Variants in MTM1 observed in about 807,000 individuals in gnomAD.
MTM1 encodes myotubularin 1.
In MTM1, 9 loss-of-function variants were observed where a neutral mutation model predicts 52.1. The observed-to-expected ratio is 0.17, with a 90% CI of 0.10 to 0.30. MTM1 has a LOEUF of 0.30. MTM1 is among the 10% of genes least tolerant of loss of function. MTM1 has a pLI of 1.00. For synonymous variants in MTM1, 136 were observed against 163.8 expected, an observed-to-expected ratio of 0.83 and a Z score of 1.29; for missense variants, 277 against 470.7, an observed-to-expected ratio of 0.59 and a Z score of 3.81.
At chrX:150,608,457 G>A (rs941133407) in intron 4 of MTM1, among the ~76,000 whole-genome samples, 3 of 111,907 alleles carry the variant, frequency 2.7e-5, no homozygotes, top group East Asian at 2.8e-4. Context: ...TGGCTCAAGC[G>A]ATCCGCCTGC....
intron 4 of MTM1, among the ~76,000 whole-genome samples, chrX:150,600,495 G>A (rs1557412721): frequency 8.9e-6 from 1 of 111,878 alleles, no homozygotes; most frequent in African/African-American, 3.3e-5. Flanking sequence ...CCCATCTGAA[G>A]TGTTGTATTC....
At chrX:150,650,256 G>C (rs898892191) in intron 10 of MTM1, among the ~76,000 whole-genome samples, 10 of 108,727 alleles carry the variant, frequency 9.2e-5, no homozygotes, top group African/African-American at 3.3e-4. Context: ...TGTTTTTTTT[G>C]TTGTTTTTTG....
At chrX:150,623,869 G>T (rs1236327051) in intron 6 of MTM1, among the ~76,000 whole-genome samples, 2 of 111,579 alleles carry the variant, frequency 1.8e-5, no homozygotes, top group Non-Finnish European at 3.8e-5. Context: ...AATATTATTG[G>T]AACTGTTCAG....
At chrX:150,576,263 T>C (rs782019498) in intron 1 of MTM1, among the ~76,000 whole-genome samples, 18 of 111,912 alleles carry the variant, frequency 1.6e-4, no homozygotes, top group Middle Eastern at 4.6e-3. Flanking sequence ...GAAGTTTGTA[T>C]AAGATTGGAG....
In MTM1 at chrX:150,612,818, T is replaced by C. The variant is rs376358767; in HGVS notation, c.232-1771T>C. On this transcript the variant is annotated intron_variant, in intron 4 of 14. Transcript: ENST00000370396. ...GGCCAACATGGCAAAACCCCGTCTC[T>C]ACTAAAAATACAAAAATTAGCCAGG... 6.3e-5 allele frequency among the ~76,000 whole-genome samples: 7 copies of C among 111,190 alleles called. No individual in the cohort carries two copies. The South Asian group carries it at 2.6e-3, about 42-fold the overall frequency.
intron 6 of MTM1, among the ~76,000 whole-genome samples, chrX:150,635,678 ATTCTC>A (rs1338147838): frequency 8.9e-6 from 1 of 111,920 alleles, no homozygotes; most frequent in Non-Finnish European, 1.9e-5. Context: ...GAGAGCCTAT[ATTCTC>A]TTAATCTTTA....
At chrX:150,578,285 C>T (rs1200774574) in intron 1 of MTM1, among the ~76,000 whole-genome samples, 1 of 111,881 alleles carries the variant, frequency 8.9e-6, no homozygotes, top group African/African-American at 3.3e-5. Context: ...GGCCTTCAAC[C>T]ATGCAGCCTA....
At chrX:150,588,889 CT>C (rs1278896239) in intron 1 of MTM1, among the ~76,000 whole-genome samples, 2 of 111,952 alleles carry the variant, frequency 1.8e-5, no homozygotes, top group African/African-American at 6.5e-5. Flanking sequence ...TTTGTATGAA[CT>C]TGTGGCTTAA....
chrX:150,618,972 G>T lies in MTM1; in HGVS notation c.343-66G>T, dbSNP rs182426381. The T allele has an allele frequency of 2.5e-3, 1,917 of 779,507 alleles. 5 individuals carry two copies. Among genetic ancestry groups the T allele is most frequent in the Middle Eastern group, 9.8e-3 (35 of 3,570 alleles). The allele number at this position is 779,507 out of a possible 1,213,427, so 64.2% of individuals were successfully genotyped here. ...AATCTTCTCCCTTAATTGAATGGAA[G>T]ATTTCTTGCTAATTAACATGACTTT... is the stretch of plus-strand genomic sequence containing the variant. On this transcript the variant is annotated intron_variant, in intron 5 of 14. Coordinates refer to ENST00000370396, the MANE Select transcript of MTM1 (RefSeq NM_000252.3).
In MTM1 at chrX:150,671,512, G is replaced by T. The variant is rs148195763; in HGVS notation, c.1729G>T (p.Ala577Ser). ...AAAGCGGCTTGAGGAACTGCAGCTC[G>T]CCAACTCTGCCAAGCTTTCTGATCC... ...YIKRLEELQLANSAKLSDPPT... is the reference protein window; with the variant it reads ...YIKRLEELQLSNSAKLSDPPT... Residue 577 changes from alanine (A) to serine (S), a missense_variant, in exon 15 of 15, where the codon GCC (alanine) becomes TCC (serine). By Grantham distance (99) the Ala-to-Ser change is moderately conservative. This residue lies in a region of MTM1 where 51 missense variants were observed against 52.2 expected (regional missense o/e 0.98). Transcript: ENST00000370396. 2 of 1,210,710 alleles carry T rather than the reference G, an allele frequency of 1.7e-6. No individual in the cohort carries two copies. The highest frequency in any genetic ancestry group is 3.5e-5 in the South Asian group (2 of 56,915).
intron 7 of MTM1, among the ~76,000 whole-genome samples, chrX:150,640,385 C>G (rs782750084): frequency 9.0e-6 from 1 of 111,453 alleles, no homozygotes; most frequent in Admixed American, 9.5e-5. Flanking sequence ...TTATAACTGT[C>G]TAATTGGACT....
At chrX:150,652,466 C>T (rs1260020446) in intron 10 of MTM1, among the ~76,000 whole-genome samples, 3 of 107,591 alleles carry the variant, frequency 2.8e-5, no homozygotes, top group African/African-American at 1.0e-4. Flanking sequence ...CAGGAATTTT[C>T]AGGCTGCAGT....
upstream of MTM1, among the ~76,000 whole-genome samples, chrX:150,566,279 G>A (rs927485896): frequency 1.2e-4 from 13 of 111,282 alleles, no homozygotes; most frequent in Non-Finnish European, 2.3e-4. Flanking sequence ...GGGATTACAG[G>A]CGCCCACCAC....
chrX:150,608,466 G>A (rs2039210372), intron 4 of MTM1, among the ~76,000 whole-genome samples: 1 of 112,039 alleles, frequency 8.9e-6, no homozygotes, highest in Non-Finnish European at 1.9e-5. Context: ...CGATCCGCCT[G>A]CCTCCGCCTC....
At chrX:150,640,618 C>T (rs1353516569) in intron 7 of MTM1, among the ~76,000 whole-genome samples, 2 of 111,759 alleles carry the variant, frequency 1.8e-5, no homozygotes, top group African/African-American at 6.5e-5. Flanking sequence ...TCTTCTGTGT[C>T]TCCCTGTCAC....
chrX:150,608,586 C>G (rs1018885513), intron 4 of MTM1, among the ~76,000 whole-genome samples: 4 of 111,840 alleles, frequency 3.6e-5, no homozygotes, highest in Admixed American at 2.8e-4. Context: ...AATACATACA[C>G]ATTGTAGAAT....
intron 1 of MTM1, among the ~76,000 whole-genome samples, chrX:150,571,006 A>T (rs1169621346): frequency 3.6e-5 from 4 of 112,153 alleles, no homozygotes; most frequent in Non-Finnish European, 7.5e-5. Context: ...TTTTGTTCCA[A>T]AATGAGAGGC....
At chrX:150,670,910 G>A (rs2040385659) in intron 14 of MTM1, among the ~76,000 whole-genome samples, 1 of 112,100 alleles carries the variant, frequency 8.9e-6, no homozygotes. Flanking sequence ...ACTTAACAAG[G>A]ATGAAATTCA....
intron 1 of MTM1, among the ~76,000 whole-genome samples, chrX:150,576,652 C>A (rs1466120674): frequency 9.0e-6 from 1 of 111,599 alleles, no homozygotes; most frequent in African/African-American, 3.3e-5. Context: ...CTTTCCCCCC[C>A]GTAGATGATC....
Sources: allele counts gnomAD v4.1 joint callset (sites outside exome capture counted in the v4.1 genomes callset), GRCh38; gene constraint gnomAD v4.1.1; regional missense constraint gnomAD v4.1.1; transcripts MANE v1.5; gene names NCBI Gene and HGNC (gene_info 2026-07-23, HGNC 2026-07-21).